Variants in NCAM2 observed in about 807,000 individuals in gnomAD.
The protein encoded by NCAM2 is N-CAM-2.
In NCAM2, 30 loss-of-function variants were observed where a neutral mutation model predicts 98.1. The ratio of observed to expected loss-of-function variants is 0.31; its 90% CI spans 0.23 to 0.41. The LOEUF (loss-of-function observed/expected upper bound fraction) is 0.41. Ranked by LOEUF, NCAM2 falls within the 10% of genes least tolerant of loss-of-function variation. The pLI is 1.00. For synonymous variants in NCAM2, 368 were observed against 342.4 expected, an observed-to-expected ratio of 1.07 and a Z score of -0.83; for missense variants, 867 against 1,005.8, an observed-to-expected ratio of 0.86 and a Z score of 1.87.
intron 1 of NCAM2, among the ~76,000 whole-genome samples, chr21:21,021,902 G>A (rs1452704108): frequency 1.3e-5 from 2 of 152,032 alleles, no homozygotes; most frequent in African/African-American, 4.8e-5. Context: ...TTTATACACA[G>A]AAGTTTTATG....
chr21:21,039,789 C>A (rs2064867828), intron 1 of NCAM2, among the ~76,000 whole-genome samples: 1 of 152,018 alleles, frequency 6.6e-6, no homozygotes, highest in South Asian at 2.1e-4. Flanking sequence ...TTATGTGATT[C>A]TCTCTCAAGT....
rs10618210 is a variant in NCAM2 at position 21,259,919 on chromosome 21, AACACACACACACACACACACAC to A, written c.56-20633_56-20612del. 6.8e-4 allele frequency among the ~76,000 whole-genome samples: 97 copies of A among 142,092 alleles called. 2 individuals are homozygous for A. The highest frequency in any genetic ancestry group is 3.5e-3 in the Middle Eastern group (1 of 286). 93.2% of individuals were successfully genotyped at this position (142,092 alleles called of 152,430 possible). On this transcript the variant is annotated intron_variant, in intron 1 of 17. Coordinates refer to ENST00000400546, the MANE Select transcript of NCAM2 (RefSeq NM_004540.5). ...TTACATCCAAATAAAAATAAGAAGC[AACACACACACACACACACACAC>A]ACACACACACACACACACACACACA...
chr21:21,353,020 A>C (rs1378225287), intron 8 of NCAM2, among the ~76,000 whole-genome samples: 1 of 151,820 alleles, frequency 6.6e-6, no homozygotes, highest in African/African-American at 2.4e-5. Context: ...TGCCCAGATA[A>C]TTTTTGTATT....
rs1990248237 is a variant in NCAM2 at position 21,541,951 on chromosome 21, ATC to A, written c.*3996_*3997del. ...TTATCTTTAGAGAGAAAATATTTGCATCTGTTTATTTACCCTTTGAAGCATTA... is the reference window on the plus strand; with the variant it reads ...TTATCTTTAGAGAGAAAATATTTGCATGTTTATTTACCCTTTGAAGCATTA... On this transcript the variant is annotated 3_prime_UTR_variant, in exon 18 of 18. Coordinates refer to ENST00000400546, the MANE Select transcript of NCAM2 (RefSeq NM_004540.5). 6.6e-6 allele frequency: 1 copy of A among 151,844 alleles called. No homozygotes were observed. The highest frequency in any genetic ancestry group is 6.6e-5 in the Admixed American group (1 of 15,198). The allele number at this position is 151,844 out of a possible 1,614,324, so 9.4% of individuals were successfully genotyped here. A position where few individuals can be genotyped will look rare whatever the true frequency, so the allele number is the denominator to read the frequency against.
intron 15 of NCAM2, among the ~76,000 whole-genome samples, chr21:21,495,679 T>C (rs538005411): frequency 2.1e-3 from 314 of 152,134 alleles, no homozygotes; most frequent in African/African-American, 7.4e-3. Context: ...ACCTCTAATA[T>C]CCATGTATGT....
At chr21:21,115,894 T>C (rs960373424) in intron 1 of NCAM2, among the ~76,000 whole-genome samples, 15 of 152,086 alleles carry the variant, frequency 9.9e-5, no homozygotes, top group African/African-American at 3.6e-4. Flanking sequence ...AATGAATTTT[T>C]GGAAATAAGA....
chr21:21,264,980 T>TTA (rs370715667), intron 1 of NCAM2, among the ~76,000 whole-genome samples: 14 of 12,046 alleles, frequency 1.2e-3, no homozygotes, highest in East Asian at 7.6e-3. Context: ...CACATATATA[T>TTA]TATATATGTG....
chr21:21,506,973 T>A (rs1290983996), intron 15 of NCAM2, among the ~76,000 whole-genome samples: 1 of 152,144 alleles, frequency 6.6e-6, no homozygotes, highest in East Asian at 1.9e-4. Flanking sequence ...TGTAGAAGTA[T>A]ATTTGCAAGT....
rs1481143544 is a variant in NCAM2, at chr21:21,532,524, ATTTG to A, written c.2283-2008_2283-2005del. Among the ~76,000 whole-genome samples the A allele has an allele frequency of 2.0e-5, 3 of 152,252 alleles. No homozygotes were observed. In the East Asian group the frequency reaches 5.8e-4, roughly 29 times the overall value. On this transcript the variant is annotated intron_variant, in intron 16 of 17. Coordinates refer to ENST00000400546, the MANE Select transcript of NCAM2 (RefSeq NM_004540.5). ...ATTTAATTATTTTTAATTTAAAGATATTTGTTTGCATATTAATTCTTAGTAAGAA... is the reference window on the plus strand; with the variant it reads ...ATTTAATTATTTTTAATTTAAAGATATTTGCATATTAATTCTTAGTAAGAA...
At chr21:21,357,297 C>T (rs1379267642) in intron 8 of NCAM2, among the ~76,000 whole-genome samples, 1 of 151,950 alleles carries the variant, frequency 6.6e-6, no homozygotes. Context: ...AATATCTCCT[C>T]GTAATTTGTT....
At chr21:21,016,151 A>G (rs1236306782) in intron 1 of NCAM2, among the ~76,000 whole-genome samples, 1 of 152,168 alleles carries the variant, frequency 6.6e-6, no homozygotes, top group African/African-American at 2.4e-5. Flanking sequence ...AATGACATTA[A>G]CATGATTTCC....
chr21:21,094,350 A>G (rs1247626980), intron 1 of NCAM2, among the ~76,000 whole-genome samples: 3 of 151,946 alleles, frequency 2.0e-5, no homozygotes, highest in Non-Finnish European at 4.4e-5. Flanking sequence ...CAAGAAGGAA[A>G]TGTACCAGGA....
At chr21:21,048,809 A>G (rs1410446537) in intron 1 of NCAM2, among the ~76,000 whole-genome samples, 1 of 152,150 alleles carries the variant, frequency 6.6e-6, no homozygotes, top group Admixed American at 6.5e-5. Context: ...ATAAATCTCT[A>G]AAAATATTTT....
intron 15 of NCAM2, among the ~76,000 whole-genome samples, chr21:21,493,797 G>A (rs1165380380): frequency 2.6e-5 from 4 of 151,844 alleles, no homozygotes; most frequent in African/African-American, 4.8e-5. Context: ...TCACTTGGTC[G>A]CAATTTTACA....
chr21:21,420,862 A>G (rs1402183281), intron 11 of NCAM2, among the ~76,000 whole-genome samples: 1 of 151,946 alleles, frequency 6.6e-6, no homozygotes, highest in Non-Finnish European at 1.5e-5. Flanking sequence ...AAATTATAAG[A>G]AAATGAAGTG....
intron 1 of NCAM2, among the ~76,000 whole-genome samples, chr21:21,035,921 A>G (rs1218488521): frequency 2.6e-5 from 4 of 152,312 alleles, no homozygotes; most frequent in East Asian, 3.9e-4. Context: ...GCAATTTAAC[A>G]TATCAGATTT....
intron 15 of NCAM2, among the ~76,000 whole-genome samples, chr21:21,491,874 T>C (rs142026421): frequency 6.6e-6 from 1 of 151,728 alleles, no homozygotes; most frequent in Non-Finnish European, 1.5e-5. Context: ...TTTTAAATGA[T>C]ACAATAGTTA....
chr21:21,294,798 T>G (rs1284133686), intron 5 of NCAM2, among the ~76,000 whole-genome samples: 2 of 140,380 alleles, frequency 1.4e-5, no homozygotes, highest in African/African-American at 5.8e-5. Flanking sequence ...TACTGGCTCC[T>G]TTTAAATATC....
At chr21:21,464,941 C>A (rs1378248741) in intron 12 of NCAM2, among the ~76,000 whole-genome samples, 1 of 152,070 alleles carries the variant, frequency 6.6e-6, no homozygotes, top group Non-Finnish European at 1.5e-5. Context: ...CTGTGCCAAT[C>A]AATCTATTCC....
Sources: gnomAD v4.1 joint callset for allele counts (sites outside exome capture counted in the v4.1 genomes callset) on GRCh38, gnomAD v4.1.1 for gene constraint, MANE v1.5 for transcripts, NCBI Gene and HGNC (gene_info 2026-07-23, HGNC 2026-07-21) for gene names.